Variants in CEACAM3 observed in about 807,000 individuals in gnomAD.
The protein encoded by CEACAM3 is CEA cell adhesion molecule 3.
In CEACAM3, 32 loss-of-function variants were observed where a neutral mutation model predicts 30.1. That is an observed-to-expected ratio of 1.06 (90% CI 0.80 to 1.43). The LOEUF is 1.43. Ranked by LOEUF, CEACAM3 falls within the 40% of genes most tolerant of loss-of-function variation. The probability of loss-of-function intolerance (pLI) is 0.00; values close to 1 mark genes in which losing one functional copy is unlikely to be tolerated. For synonymous variants in CEACAM3, 134 were observed against 127.2 expected, an observed-to-expected ratio of 1.05 and a Z score of -0.36; for missense variants, 290 against 316.3, an observed-to-expected ratio of 0.92 and a Z score of 0.63.
intron 2 of CEACAM3, among the ~76,000 whole-genome samples, chr19:41,804,792 T>C (rs1051068695): frequency 5.3e-5 from 8 of 152,072 alleles, no homozygotes; most frequent in Admixed American, 3.9e-4. Flanking sequence ...CGACCATTAA[T>C]AATAATTTCC....
chr19:41,797,499 A>G (rs2073111008), intron 1 of CEACAM3, 90 bp from the exon 2 acceptor site: 4 of 1,498,322 alleles, frequency 2.7e-6, no homozygotes, highest in Non-Finnish European at 3.6e-6. Context: ...CCAAGGCTGA[A>G]GGGTGAAGAG....
chr19:41,807,090 TTC>T, intron 2 of CEACAM3: 1 of 1,609,420 alleles, frequency 6.2e-7, no homozygotes, highest in Non-Finnish European at 8.5e-7. Flanking sequence ...CAGGGCAATC[TTC>T]TCTCTGTTTT....
At chr19:41,797,085 C>A in intron 1 of CEACAM3, 1 of 275,962 alleles carries the variant, frequency 3.6e-6, no homozygotes, top group East Asian at 7.4e-5. Flanking sequence ...TGCAAAATAA[C>A]CACCACTCCT....
At chr19:41,806,969 G>A (rs1555826834) in intron 2 of CEACAM3, 6 of 1,464,716 alleles carry the variant, frequency 4.1e-6, no homozygotes, top group South Asian at 1.3e-5. Context: ...TTACAGGCGT[G>A]AGCCACCGCA....
chr19:41,805,087 A>G (rs782543293), intron 2 of CEACAM3, among the ~76,000 whole-genome samples: 7 of 152,078 alleles, frequency 4.6e-5, no homozygotes, highest in Non-Finnish European at 1.0e-4. Flanking sequence ...AATATTCCAA[A>G]ATAAAAAATA....
At chr19:41,805,995 GTTGTTGTTGT>G in intron 2 of CEACAM3, among the ~76,000 whole-genome samples, 1 of 138,868 alleles carries the variant, frequency 7.2e-6, no homozygotes, top group African/African-American at 3.1e-5. Context: ...TACTCTTCCT[GTTGTTGTTGT>G]TTGTTGTTGT....
chr19:41,811,037 G>T (rs907524218), intron 6 of CEACAM3, 135 bp from the exon 7 acceptor site: 11 of 1,263,420 alleles, frequency 8.7e-6, no homozygotes, highest in Admixed American at 8.2e-5. Flanking sequence ...GGAGGGAGGG[G>T]CTTGGGAGCA....
intron 2 of CEACAM3, among the ~76,000 whole-genome samples, chr19:41,805,050 G>A (rs527726375): frequency 9.2e-5 from 14 of 151,574 alleles, no homozygotes; most frequent in African/African-American, 2.9e-4. Flanking sequence ...TTCAGATTTG[G>A]GATGCTAAAC....
At chr19:41,807,913 C>A (rs1351129588) in intron 2 of CEACAM3, among the ~76,000 whole-genome samples, 1 of 152,216 alleles carries the variant, frequency 6.6e-6, no homozygotes, top group Non-Finnish European at 1.5e-5. Context: ...CAGCAACACA[C>A]ACAAAAGCTC....
intron 2 of CEACAM3, among the ~76,000 whole-genome samples, chr19:41,800,904 T>C (rs1431512843): frequency 1.3e-5 from 2 of 152,018 alleles, no homozygotes; most frequent in African/African-American, 4.8e-5. Context: ...TGTCTGTTCT[T>C]TTATCTCTTT....
Position 41,803,422 on chromosome 19 carries a change from GTGTA to G in CEACAM3, c.425-5387_425-5384del, listed in dbSNP as rs1287808583. Among the ~76,000 whole-genome samples the G allele has an allele frequency of 4.5e-3, 602 of 134,494 alleles. 10 individuals carry two copies. Among genetic ancestry groups the G allele is most frequent in the Middle Eastern group, 0.025 (6 of 236 alleles). The allele number at this position is 134,494 out of a possible 152,430, so 88.2% of individuals were successfully genotyped here. On this transcript the variant is annotated intron_variant, in intron 2 of 6. Coordinates refer to ENST00000357396, the MANE Select transcript of CEACAM3 (RefSeq NM_001815.5). ...AAAACTGAACAGCAAAGTTTTGTGT[GTGTA>G]TGTGTGTGTGTGTGTGTGTGTGTGT...
At chr19:41,805,539 TC>T (rs2073191904) in intron 2 of CEACAM3, among the ~76,000 whole-genome samples, 1 of 152,148 alleles carries the variant, frequency 6.6e-6, no homozygotes, top group African/African-American at 2.4e-5. Flanking sequence ...TCCGCCCGCC[TC>T]AGCATCCCAA....
chr19:41,797,637 T>A lies in CEACAM3; in HGVS notation c.113T>A (p.Ile38Asn). Reference protein sequence around the residue: ...WNPPTTAKLTIESMPLSVAEG... With the variant: ...WNPPTTAKLTNESMPLSVAEG... Reference sequence around the variant, plus strand: ...CCGCCCACCACTGCCAAGCTCACTATTGAATCCATGCCGCTCAGTGTCGCA... The same window carrying A: ...CCGCCCACCACTGCCAAGCTCACTAATGAATCCATGCCGCTCAGTGTCGCA... Residue 38 changes from isoleucine (I) to asparagine (N), a missense_variant, in exon 2 of 7, where the codon ATT (isoleucine) becomes AAT (asparagine). Ile to Asn is a moderately radical substitution (Grantham distance 149). Coordinates refer to ENST00000357396, the MANE Select transcript of CEACAM3 (RefSeq NM_001815.5). 1 of 1,614,182 alleles carries A rather than the reference T, an allele frequency of 6.2e-7. No individual in the cohort carries two copies. The highest frequency in any genetic ancestry group is 8.5e-7 in the Non-Finnish European group (1 of 1,180,030).
In CEACAM3 at chr19:41,810,118, G is replaced by A. The variant is rs113110038; in HGVS notation, c.595+101G>A. 3.2e-3 allele frequency: 4,379 copies of A among 1,359,714 alleles called. 64 individuals are homozygous for A. The African/African-American group carries it at 0.038, about 12-fold the overall frequency. The allele number at this position is 1,359,714 out of a possible 1,614,324, so 84.2% of individuals were successfully genotyped here. A position where few individuals can be genotyped will look rare whatever the true frequency, so the allele number is the denominator to read the frequency against. On this transcript the variant is annotated intron_variant, in intron 4 of 6. Coordinates refer to ENST00000357396, the MANE Select transcript of CEACAM3 (RefSeq NM_001815.5). Reference sequence around the variant, plus strand: ...GCCAGGCAGACTCTGATCCTTTCCCGGGGGCTGCAAGGAGGATCTCATAAA... The same window carrying A: ...GCCAGGCAGACTCTGATCCTTTCCCAGGGGCTGCAAGGAGGATCTCATAAA...
chr19:41,808,169 C>G (rs2073218524), intron 2 of CEACAM3, among the ~76,000 whole-genome samples: 1 of 152,220 alleles, frequency 6.6e-6, no homozygotes, highest in Admixed American at 6.5e-5. Flanking sequence ...TCTCACTCCA[C>G]CTCTGCAGGA....
intron 2 of CEACAM3, among the ~76,000 whole-genome samples, chr19:41,803,472 T>TTTTTTG (rs1555826272): frequency 2.2e-5 from 1 of 44,868 alleles, no homozygotes. Context: ...TTTTGTTTGT[T>TTTTTTG]TTTTTTTTTT....
In CEACAM3 at chr19:41,811,259, G is replaced by T. The variant is rs782543647; in HGVS notation, c.*22G>T. 1.2e-6 allele frequency: 2 copies of T among 1,609,192 alleles called. No homozygotes were observed. The highest frequency in any genetic ancestry group is 1.3e-5 in the African/African-American group (1 of 74,704). The stretch of plus-strand genomic sequence containing the variant: ...TTAGCTTCCTCCAGGAGCTGCTCCT[G>T]TGTGTTGATGGAGAGTCCCCAAGGC... On this transcript the variant is annotated 3_prime_UTR_variant, in exon 7 of 7. Transcript: ENST00000357396.
At chr19:41,800,889 C>T (rs1372381550) in intron 2 of CEACAM3, among the ~76,000 whole-genome samples, 1 of 152,080 alleles carries the variant, frequency 6.6e-6, no homozygotes, top group Admixed American at 6.5e-5. Context: ...CCCCCGGGGC[C>T]CAGCTGTCTG....
intron 2 of CEACAM3, chr19:41,807,181 C>T: frequency 1.4e-6 from 2 of 1,456,502 alleles, no homozygotes; most frequent in Non-Finnish European, 1.8e-6. Flanking sequence ...CTGTGGCCTT[C>T]ACCTGTGAAC....
Sources: allele counts gnomAD v4.1 joint callset (sites outside exome capture counted in the v4.1 genomes callset), GRCh38; gene constraint gnomAD v4.1.1; transcripts MANE v1.5; gene names NCBI Gene and HGNC (gene_info 2026-07-23, HGNC 2026-07-21).